The following VPS13C variants were observed in gnomAD, a reference collection of about 807,000 sequenced individuals.
The protein encoded by VPS13C is vacuolar protein sorting 13 homolog C.
A neutral mutation model predicts 456.8 loss-of-function variants in VPS13C; 358 were observed. That is an observed-to-expected ratio of 0.78 (90% CI 0.72 to 0.86). The LOEUF (loss-of-function observed/expected upper bound fraction) is 0.86. Ranked by LOEUF, VPS13C falls within the 40% of genes least tolerant of loss-of-function variation. The pLI is 0.00. For missense variants in VPS13C, 4,818 were observed against 4,385.4 expected, an observed-to-expected ratio of 1.10 and a Z score of -2.79; for synonymous variants, 1,578 against 1,486.7, an observed-to-expected ratio of 1.06 and a Z score of -1.41.
chr15:61,884,331 T>G, intron 67 of VPS13C, 62 bp from the exon 68 acceptor site: 1 of 1,509,946 alleles, frequency 6.6e-7, no homozygotes, highest in Non-Finnish European at 9.0e-7. Context: ...GGAACTTTAT[T>G]CAACTCCAGA....
chr15:61,937,408 G>A (rs1020165799), intron 47 of VPS13C, among the ~76,000 whole-genome samples: 1 of 152,194 alleles, frequency 6.6e-6, no homozygotes, highest in Non-Finnish European at 1.5e-5. Flanking sequence ...AGGCAGATCT[G>A]TATCAACTAC....
At position 61,880,960 on chromosome 15, in the gene VPS13C, A is replaced by C; in HGVS notation, c.9777-6T>G. The C allele has an allele frequency of 6.4e-7, 1 of 1,569,058 alleles. No individual in the cohort carries two copies. Among genetic ancestry groups the C allele is most frequent in the Non-Finnish European group, 8.6e-7 (1 of 1,161,858 alleles). On this transcript the variant is annotated splice_polypyrimidine_tract_variant and splice_region_variant and intron_variant, in intron 71 of 84. Coordinates refer to ENST00000644861, the MANE Select transcript of VPS13C (RefSeq NM_020821.3). ...GAATGAGGACCATAAAATACCTAAG[A>C]AAAAAAATTTAAAATGGAAAAGGAT...
intron 66 of VPS13C, among the ~76,000 whole-genome samples, chr15:61,900,047 T>G (rs2042948886): frequency 6.6e-6 from 1 of 152,284 alleles, no homozygotes; most frequent in South Asian, 2.1e-4. Context: ...AAAAGGCCTT[T>G]GACAAAATTC....
chr15:61,969,279 T>C lies in VPS13C; in HGVS notation c.2911+20A>G. 2 of 1,537,274 alleles carry C rather than the reference T, an allele frequency of 1.3e-6. No individual in the cohort carries two copies. Among genetic ancestry groups the C allele is most frequent in the Non-Finnish European group, 1.8e-6 (2 of 1,134,224 alleles). ...CCTATCTTTATTATAGGCTATTATT[T>C]CTATTTTTATGGGTATTACCTTCAA... On this transcript the variant is annotated intron_variant, in intron 28 of 84. Transcript: ENST00000644861.
chr15:61,888,561 A>C (rs756781149), intron 67 of VPS13C, among the ~76,000 whole-genome samples: 12 of 152,198 alleles, frequency 7.9e-5, no homozygotes, highest in Non-Finnish European at 1.0e-4. Flanking sequence ...GAAACAAAGG[A>C]ACCTTAAAAG....
intron 18 of VPS13C, among the ~76,000 whole-genome samples, chr15:61,986,656 C>T (rs1196622988): frequency 6.6e-6 from 1 of 151,872 alleles, no homozygotes; most frequent in African/African-American, 2.4e-5. Context: ...ACAGTATAAA[C>T]AAAAATGAAT....
rs1295588827 is a variant in VPS13C at position 61,880,954 on chromosome 15, C to A, written c.9777G>T (p.Lys3259Asn). 6.3e-7 allele frequency: 1 copy of A among 1,576,382 alleles called. No individual in the cohort carries two copies. Among genetic ancestry groups the A allele is most frequent in the African/African-American group, 1.4e-5 (1 of 72,474 alleles). Residue 3259 changes from lysine (K) to asparagine (N), a missense_variant and splice_region_variant, in exon 72 of 85, where the codon AAG (lysine) becomes AAT (asparagine). Transcript: ENST00000644861. ...TTTCCTGAATGAGGACCATAAAATACCTAAGAAAAAAAATTTAAAATGGAA... is the reference window on the plus strand; with the variant it reads ...TTTCCTGAATGAGGACCATAAAATAACTAAGAAAAAAAATTTAAAATGGAA... The part of the protein sequence containing the change: ...FNEYSKVLQF[K>N]YFMVLIQEMA...
chr15:61,983,615 C>T, intron 20 of VPS13C: 1 of 511,912 alleles, frequency 2.0e-6, no homozygotes, highest in South Asian at 3.3e-5. Context: ...GATAAATAAA[C>T]CTTGGAGTAG....
At chr15:62,023,904 G>A (rs2047548000) in intron 6 of VPS13C, 59 bp from the exon 7 acceptor site, 1 of 1,467,306 alleles carries the variant, frequency 6.8e-7, no homozygotes, top group African/African-American at 1.4e-5. Context: ...CAGACTACAG[G>A]ACAGAAAAGA....
In VPS13C at chr15:61,867,006, CTT is replaced by C. The variant is rs1894642079; in HGVS notation, c.10863+1651_10863+1652del. The C allele has an allele frequency of 3.2e-6, 3 of 946,410 alleles. No homozygotes were observed. The highest frequency in any genetic ancestry group is 1.2e-4 in the East Asian group (1 of 8,618). 58.6% of individuals were successfully genotyped at this position (946,410 alleles called of 1,614,324 possible). On this transcript the variant is annotated intron_variant, in intron 81 of 84. Transcript: ENST00000644861. This position sits in a 1 kb window ranked among gnomAD's most constrained non-coding sequence, Gnocchi z 5.0. ...ACAAAAAAAAGAAATTGAAACATAA[CTT>C]ATGTTGAGAATTAAGAGGATACTAA... is the stretch of plus-strand genomic sequence containing the variant.
At chr15:62,046,360 A>G (rs7163326) in intron 1 of VPS13C, among the ~76,000 whole-genome samples, 81,329 of 152,000 alleles carry the variant, frequency 0.54, 21,996 homozygotes, top group Admixed American at 0.61. Context: ...GAAGACTAGC[A>G]TGTTCAGCAA....
At chr15:61,924,186 G>T (rs1474214871) in intron 53 of VPS13C, among the ~76,000 whole-genome samples, 1 of 152,134 alleles carries the variant, frequency 6.6e-6, no homozygotes, top group Non-Finnish European at 1.5e-5. Context: ...AATCTTAAAG[G>T]ATTTTTTCAC....
chr15:61,913,804 T>C (rs890891529), intron 61 of VPS13C, among the ~76,000 whole-genome samples: 1 of 152,150 alleles, frequency 6.6e-6, no homozygotes, highest in African/African-American at 2.4e-5. Context: ...GTCTTCAACA[T>C]TGTTCAGCAG....
chr15:61,859,687 T>G (rs1485238124), intron 82 of VPS13C, among the ~76,000 whole-genome samples: 1 of 152,182 alleles, frequency 6.6e-6, no homozygotes, highest in Non-Finnish European at 1.5e-5. Context: ...GAGTTTTCCC[T>G]ATGTCCTCAG....
intron 9 of VPS13C, among the ~76,000 whole-genome samples, chr15:62,019,014 G>T (rs1027131575): frequency 4.6e-5 from 7 of 152,122 alleles, no homozygotes; most frequent in African/African-American, 1.4e-4. Flanking sequence ...GTTTAGTCTT[G>T]GGAGGGTGTA....
chr15:61,950,631 A>G (rs1183287978), intron 40 of VPS13C, among the ~76,000 whole-genome samples: 1 of 151,942 alleles, frequency 6.6e-6, no homozygotes, highest in Non-Finnish European at 1.5e-5. Flanking sequence ...CTAATTCCTT[A>G]TCCTACTGTG....
intron 61 of VPS13C, among the ~76,000 whole-genome samples, chr15:61,913,743 T>C (rs191656702): frequency 6.6e-6 from 1 of 152,262 alleles, no homozygotes; most frequent in East Asian, 1.9e-4. Context: ...GTGATAGACT[T>C]ATGACATAGA....
chr15:62,054,595 G>A (rs140526514), intron 1 of VPS13C, among the ~76,000 whole-genome samples: 2 of 152,226 alleles, frequency 1.3e-5, no homozygotes, highest in Non-Finnish European at 1.5e-5. Context: ...AGGGGAGGGA[G>A]AGTATTAGGA....
At position 62,007,291 on chromosome 15, in the gene VPS13C, AT is replaced by A. The variant is rs1191237473; in HGVS notation, c.1290+16del. The A allele has an allele frequency of 1.3e-6, 2 of 1,560,314 alleles. No individual in the cohort carries two copies. Among genetic ancestry groups the A allele is most frequent in the Non-Finnish European group, 1.7e-6 (2 of 1,151,576 alleles). On this transcript the variant is annotated intron_variant, in intron 15 of 84. Coordinates refer to ENST00000644861, the MANE Select transcript of VPS13C (RefSeq NM_020821.3). ...ATTAGACAAATAATAGCTCTCACTA[AT>A]ATATGCAAGATATACCTGAATTTCT...
Sources: allele counts gnomAD v4.1 joint callset (sites outside exome capture counted in the v4.1 genomes callset), GRCh38; gene constraint gnomAD v4.1.1; non-coding constraint Gnocchi (gnomAD v3.1); transcripts MANE v1.5; gene names NCBI Gene and HGNC (gene_info 2026-07-23, HGNC 2026-07-21).